Variants in COL6A6 observed in about 807,000 individuals in gnomAD.
COL6A6 encodes collagen alpha-6(VI) chain.
A neutral mutation model predicts 208.6 loss-of-function variants in COL6A6; 183 were observed. The ratio of observed to expected loss-of-function variants is 0.88; its 90% CI spans 0.78 to 0.99. The LOEUF is 0.99. Ranked by LOEUF, COL6A6 falls within the 50% of genes least tolerant of loss-of-function variation. The probability of loss-of-function intolerance (pLI) is 0.00; values close to 1 mark genes in which losing one functional copy is unlikely to be tolerated. For synonymous variants in COL6A6, 973 were observed against 1,011.8 expected (o/e 0.96, Z 0.73); for missense variants, 2,816 against 2,815.2 (o/e 1.00, Z -0.01).
At position 130,658,750 on chromosome 3, in the gene COL6A6, C is replaced by A; in HGVS notation, c.5808C>A (p.Leu1936=). The stretch of plus-strand genomic sequence containing the variant: ...ACTACATACCAGCATTAGAGAGACT[C>A]CAGCGGTGCACTTTCTGCTATGGTA... ...GADYIPALER[L]QRCTFCYDVC... is the part of the protein sequence containing the mutation. Residue 1936 remains leucine (L), a synonymous_variant, in exon 34 of 37, where the codon CTC becomes CTA. Coordinates refer to ENST00000358511, the MANE Select transcript of COL6A6 (RefSeq NM_001102608.3). 7 of 1,612,306 alleles carry A rather than the reference C, an allele frequency of 4.3e-6. No homozygotes were observed. Among genetic ancestry groups the A allele is most frequent in the Non-Finnish European group, 5.9e-6 (7 of 1,179,014 alleles).
chr3:130,671,359 G>A (rs2066210694), intron 36 of COL6A6, among the ~76,000 whole-genome samples: 1 of 152,154 alleles, frequency 6.6e-6, no homozygotes, highest in Non-Finnish European at 1.5e-5. Flanking sequence ...AGTGCTTTTG[G>A]ACAGGAAGTT....
chr3:130,624,977 A>G (rs1378602303), intron 24 of COL6A6, among the ~76,000 whole-genome samples: 1 of 152,246 alleles, frequency 6.6e-6, no homozygotes, highest in Admixed American at 6.5e-5. Flanking sequence ...TAGAAAAGCC[A>G]TATGACTTTC....
intron 36 of COL6A6, among the ~76,000 whole-genome samples, chr3:130,674,819 G>C (rs1404926048): frequency 1.3e-5 from 2 of 152,148 alleles, no homozygotes; most frequent in East Asian, 3.9e-4. Flanking sequence ...GTGTTATAAA[G>C]AAAATAGCAT....
At chr3:130,570,796 T>G (rs2063143879) in intron 6 of COL6A6, 22 bp from the exon 7 acceptor site, 1 of 1,582,920 alleles carries the variant, frequency 6.3e-7, no homozygotes, top group Admixed American at 1.7e-5. Flanking sequence ...TCATATGGTT[T>G]ACCTCTCTCT....
At chr3:130,591,363 C>T (rs1303690521) in intron 13 of COL6A6, among the ~76,000 whole-genome samples, 1 of 152,206 alleles carries the variant, frequency 6.6e-6, no homozygotes, top group Non-Finnish European at 1.5e-5. Context: ...TGAATCACTG[C>T]TGTTTCCCCC....
intron 1 of COL6A6, among the ~76,000 whole-genome samples, chr3:130,547,508 C>T (rs1157511223): frequency 6.6e-6 from 1 of 152,216 alleles, no homozygotes; most frequent in Non-Finnish European, 1.5e-5. Context: ...AGAGGGGCTC[C>T]TATAGTGCAG....
chr3:130,570,750 A>T, intron 6 of COL6A6, 68 bp from the exon 7 acceptor site: 1 of 1,188,802 alleles, frequency 8.4e-7, no homozygotes. Context: ...ATTTATAAAA[A>T]GGTTGAGGCG....
At chr3:130,559,604 A>G (rs981507796) in intron 1 of COL6A6, among the ~76,000 whole-genome samples, 2 of 152,250 alleles carry the variant, frequency 1.3e-5, no homozygotes, top group Admixed American at 6.5e-5. Context: ...AGCAAAAAAT[A>G]AGCCCAACCT....
intron 1 of COL6A6, among the ~76,000 whole-genome samples, chr3:130,535,500 A>G (rs745426141): frequency 1.0e-4 from 15 of 149,796 alleles, no homozygotes; most frequent in Non-Finnish European, 2.1e-4. Flanking sequence ...TGGATGCCAC[A>G]TCTCCTCTTT....
At chr3:130,592,805 A>G in intron 15 of COL6A6, 83 bp downstream of exon 15, 1 of 1,315,758 alleles carries the variant, frequency 7.6e-7, no homozygotes, top group Non-Finnish European at 1.1e-6. Flanking sequence ...TCAGTAAATT[A>G]TACAAATAAA....
At chr3:130,531,216 G>A (rs1001890822) in intron 1 of COL6A6, among the ~76,000 whole-genome samples, 1 of 151,918 alleles carries the variant, frequency 6.6e-6, no homozygotes, top group African/African-American at 2.4e-5. Flanking sequence ...TTGACCTTCG[G>A]GCTGCACAAT....
chr3:130,550,632 C>A (rs140792980), intron 1 of COL6A6, among the ~76,000 whole-genome samples: 318 of 152,236 alleles, frequency 2.1e-3, no homozygotes, highest in African/African-American at 6.9e-3. Flanking sequence ...AGAAGCAGAA[C>A]CCCCTCATAA....
At position 130,566,967 on chromosome 3, in the gene COL6A6, C is replaced by G. The variant is rs368134547; in HGVS notation, c.1548C>G (p.Gly516=). The part of the protein sequence containing the change: ...IRQMGGNTNT[G]AALNFTLSLL... ...AGATGGGTGGGAATACAAACACAGG[C>G]GCAGCACTGAATTTCACACTGAGTC... is the stretch of plus-strand genomic sequence containing the variant. The change falls in exon 5 of 37, where the codon GGC becomes GGG. Residue 516 remains glycine (G), a synonymous_variant. Transcript: ENST00000358511. The G allele has an allele frequency of 3.1e-6, 5 of 1,613,874 alleles. No individual in the cohort carries two copies. Among genetic ancestry groups the G allele is most frequent in the Middle Eastern group, 1.6e-4 (1 of 6,084 alleles).
At chr3:130,651,945 C>T (rs1435167204) in intron 33 of COL6A6, among the ~76,000 whole-genome samples, 1 of 152,166 alleles carries the variant, frequency 6.6e-6, no homozygotes, top group African/African-American at 2.4e-5. Context: ...CTTGATTCTA[C>T]TCAAATCTTC....
chr3:130,587,973 A>G (rs1036900932), intron 11 of COL6A6, among the ~76,000 whole-genome samples: 2 of 152,206 alleles, frequency 1.3e-5, no homozygotes, highest in Non-Finnish European at 2.9e-5. Flanking sequence ...ATATAAATGG[A>G]ACACTCTACA....
chr3:130,596,816 A>G (rs2063864293), intron 18 of COL6A6, among the ~76,000 whole-genome samples: 1 of 152,216 alleles, frequency 6.6e-6, no homozygotes, highest in Non-Finnish European at 1.5e-5. Flanking sequence ...TAATAATGAT[A>G]AAATTTTTAA....
At chr3:130,529,419 A>G (rs561461590) in intron 1 of COL6A6, among the ~76,000 whole-genome samples, 28 of 152,096 alleles carry the variant, frequency 1.8e-4, no homozygotes, top group Non-Finnish European at 4.0e-4. Context: ...TTTCATCCCT[A>G]GTATACAGAT....
rs774517921 is a variant in COL6A6, at chr3:130,593,096, C to T, written c.4407C>T (p.Asn1469=). The change falls in exon 16 of 37, where the codon AAC becomes AAT. Residue 1469 remains asparagine, a synonymous_variant. Transcript: ENST00000358511. The part of the protein sequence containing the change: ...EVGENGIDGL[N]GEQGDNGLPG... ...GGGAAAATGGAATTGACGGATTAAA[C>T]GGAGAACAGGTAGAGCCTTCTTGTA... The T allele has an allele frequency of 2.3e-5, 37 of 1,613,356 alleles. No individual in the cohort carries two copies. Among genetic ancestry groups the T allele is most frequent in the African/African-American group, 1.2e-4 (9 of 74,864 alleles).
rs772337178 is a variant in COL6A6, at chr3:130,565,263, G to A, written c.931G>A (p.Ala311Thr). ...AACTGGGAAGGCCTATACTGGAGCT[G>A]CCATCAAAAAGCTCAGGAAGGAAGT... is the stretch of plus-strand genomic sequence containing the variant. Reference protein sequence around the residue: ...PRTGKAYTGAAIKKLRKEVFS... With the variant: ...PRTGKAYTGATIKKLRKEVFS... Residue 311 changes from alanine (A) to threonine (T), a missense_variant, in exon 4 of 37, where the codon GCC becomes ACC. Physicochemically the swap from Ala to Thr is moderately conservative, Grantham distance 58. Coordinates refer to ENST00000358511, the MANE Select transcript of COL6A6 (RefSeq NM_001102608.3). The A allele has an allele frequency of 1.9e-6, 3 of 1,614,022 alleles. No homozygotes were observed. Among genetic ancestry groups the A allele is most frequent in the South Asian group, 2.2e-5 (2 of 91,076 alleles).
Sources: gnomAD v4.1 joint callset for allele counts (sites outside exome capture counted in the v4.1 genomes callset) on GRCh38, gnomAD v4.1.1 for gene constraint, MANE v1.5 for transcripts, NCBI Gene and HGNC (gene_info 2026-07-23, HGNC 2026-07-21) for gene names.